The following L2HGDH variants were observed in gnomAD, a reference collection of about 807,000 sequenced individuals.
The protein encoded by L2HGDH is L-2-hydroxyglutarate dehydrogenase.
L2HGDH carries 34 observed loss-of-function variants against 51.5 expected under a neutral mutation model. That is an observed-to-expected ratio of 0.66 (90% CI 0.50 to 0.88). L2HGDH has a LOEUF of 0.88. Among genes scored for constraint, L2HGDH ranks in the 40% least tolerant of loss-of-function variants. The pLI, the probability that L2HGDH is intolerant of heterozygous loss-of-function variation, is 0.00. For missense variants in L2HGDH, 558 were observed against 571.9 expected (o/e 0.98, Z 0.25); for synonymous variants, 198 against 197.9 (o/e 1.00, Z -0.01).
At chr14:50,262,346 C>T (rs947538534) in intron 9 of L2HGDH, among the ~76,000 whole-genome samples, 2 of 151,550 alleles carry the variant, frequency 1.3e-5, no homozygotes, top group Non-Finnish European at 2.9e-5. Flanking sequence ...AGGAGAATCG[C>T]CTGAACCAGG....
chr14:50,275,973 T>C lies in L2HGDH; in HGVS notation c.738+2547A>G, dbSNP rs7158512. Among the ~76,000 whole-genome samples the C allele has an allele frequency of 6.5e-3, 996 of 152,296 alleles. 13 individuals carry two copies. The highest frequency in any genetic ancestry group is 0.023 in the African/African-American group (936 of 41,550). On this transcript the variant is annotated intron_variant, in intron 6 of 9. Transcript: ENST00000267436. The stretch of plus-strand genomic sequence containing the variant: ...AACTGGAGGTTGATACTGCAACACC[T>C]GGCCACTTTGGGTTCCCCTGCCAGT...
At position 50,281,489 on chromosome 14, in the gene L2HGDH, G is replaced by A. The variant is rs188435207; in HGVS notation, c.703+2382C>T. ...TGTTTGTAATCCCAGTTACTTGGGAGGCTGAGGCAGGAGAATCACCTAAAC... is the reference window on the plus strand; with the variant it reads ...TGTTTGTAATCCCAGTTACTTGGGAAGCTGAGGCAGGAGAATCACCTAAAC... On this transcript the variant is annotated intron_variant, in intron 5 of 9. Transcript: ENST00000267436. Among the ~76,000 whole-genome samples the A allele has an allele frequency of 2.3e-3, 357 of 152,232 alleles. 3 individuals are homozygous for A. Among genetic ancestry groups the A allele is most frequent in the African/African-American group, 7.8e-3 (325 of 41,548 alleles).
intron 4 of L2HGDH, among the ~76,000 whole-genome samples, chr14:50,290,216 G>A (rs1020713824): frequency 2.0e-5 from 3 of 151,868 alleles, no homozygotes; most frequent in Non-Finnish European, 2.9e-5. Flanking sequence ...GCAGTGAGTC[G>A]AGATCACGCC....
At chr14:50,284,079 T>G (rs1423643164) in intron 4 of L2HGDH, 46 bp from the exon 5 acceptor site, 1 of 1,558,440 alleles carries the variant, frequency 6.4e-7, no homozygotes, top group Non-Finnish European at 8.8e-7. Context: ...AAATAATACT[T>G]GCTAAATAAC....
At chr14:50,272,149 A>C (rs1889732312) in intron 6 of L2HGDH, among the ~76,000 whole-genome samples, 1 of 152,104 alleles carries the variant, frequency 6.6e-6, no homozygotes, top group Non-Finnish European at 1.5e-5. Flanking sequence ...AAAAAGAAAA[A>C]ATTTCTTTAA....
At position 50,242,650 on chromosome 14, in the gene L2HGDH, CG is replaced by C; in HGVS notation, c.*4407del. 1.0e-6 allele frequency: 1 copy of C among 985,384 alleles called. No individual in the cohort carries two copies. 61.0% of individuals were successfully genotyped at this position (985,384 alleles called of 1,614,324 possible). Reference sequence around the variant, plus strand: ...GAGTACAAACTATTTGAAAACATCTCGAGGCAGCTTTTGCTTTCCCAACCAT... The same window carrying C: ...GAGTACAAACTATTTGAAAACATCTCAGGCAGCTTTTGCTTTCCCAACCAT... On this transcript the variant is annotated 3_prime_UTR_variant, in exon 10 of 10. Transcript: ENST00000267436.
At chr14:50,296,984 A>T (rs1178115718) in intron 3 of L2HGDH, among the ~76,000 whole-genome samples, 2 of 152,228 alleles carry the variant, frequency 1.3e-5, no homozygotes, top group African/African-American at 4.8e-5. Flanking sequence ...ATGTATTAAT[A>T]CACTACATTA....
chr14:50,290,867 CTTCTT>C (rs1471028769), intron 4 of L2HGDH, among the ~76,000 whole-genome samples: 1 of 151,846 alleles, frequency 6.6e-6, no homozygotes, highest in African/African-American at 2.4e-5. Context: ...AAATAATGTT[CTTCTT>C]TTAATTTTTT....
At chr14:50,263,440 C>T (rs998861706) in intron 9 of L2HGDH, among the ~76,000 whole-genome samples, 1 of 152,200 alleles carries the variant, frequency 6.6e-6, no homozygotes, top group Admixed American at 6.5e-5. Context: ...TGATACATTA[C>T]AGTCAGATTT....
At chr14:50,278,093 G>A (rs1890069913) in intron 6 of L2HGDH, among the ~76,000 whole-genome samples, 1 of 152,064 alleles carries the variant, frequency 6.6e-6, no homozygotes, top group South Asian at 2.1e-4. Context: ...GAACCTACAG[G>A]GAATCCACTG....
chr14:50,244,572 A>G lies in L2HGDH; in HGVS notation c.*2486T>C, dbSNP rs1442856475. On this transcript the variant is annotated 3_prime_UTR_variant, in exon 10 of 10. Coordinates refer to ENST00000267436, the MANE Select transcript of L2HGDH (RefSeq NM_024884.3). Reference sequence around the variant, plus strand: ...GAATCAGCTGTTATAAAGAAACATTAGGGCTTGTTTCTTCTGTCATTGATA... The same window carrying G: ...GAATCAGCTGTTATAAAGAAACATTGGGGCTTGTTTCTTCTGTCATTGATA... 12 of 985,278 alleles carry G rather than the reference A, an allele frequency of 1.2e-5. No homozygotes were observed. The highest frequency in any genetic ancestry group is 1.3e-5 in the Non-Finnish European group (11 of 829,888). 61.0% of individuals were successfully genotyped at this position (985,278 alleles called of 1,614,324 possible). A position where few individuals can be genotyped will look rare whatever the true frequency, so the allele number is the denominator to read the frequency against.
In L2HGDH at chr14:50,312,140, G is replaced by A; in HGVS notation, c.11C>T (p.Ala4Val). The change falls in exon 1 of 10, where the codon GCG (alanine) becomes GTG (valine). Residue 4 changes from alanine (A) to valine (V), a missense_variant. Coordinates refer to ENST00000267436, the MANE Select transcript of L2HGDH (RefSeq NM_024884.3). MVP[A>V]LRYLVGACGR... ...GCAGGCACCAACCAAATAACGCAGC[G>A]CTGGCACCATCCCCTACGCACGCTC... 1 of 1,610,382 alleles carries A rather than the reference G, an allele frequency of 6.2e-7. No homozygotes were observed.
At chr14:50,279,739 T>C (rs912886665) in intron 5 of L2HGDH, among the ~76,000 whole-genome samples, 2 of 151,492 alleles carry the variant, frequency 1.3e-5, no homozygotes, top group African/African-American at 2.4e-5. Context: ...TTTAAAAAGA[T>C]TGCTTCGATC....
In L2HGDH at chr14:50,247,097, T is replaced by C. The variant is rs192927318; in HGVS notation, c.1353A>G (p.Gly451=). 157 of 1,613,976 alleles carry C rather than the reference T, an allele frequency of 9.7e-5. No individual in the cohort carries two copies. In the Admixed American group the frequency reaches 2.5e-3, roughly 26 times the overall value. Residue 451 remains glycine (G), a synonymous_variant, in exon 10 of 10, where the codon GGA becomes GGG. Coordinates refer to ENST00000267436, the MANE Select transcript of L2HGDH (RefSeq NM_024884.3). ...TTTGTTGTACTTCATCTGCAATCAT[T>C]CCAGAAATTGCAATGGAAGAAGTAG... ...PAATSSIAIS[G]MIADEVQQRF...
At chr14:50,278,624 G>A in intron 5 of L2HGDH, 70 bp from the exon 6 acceptor site, 1 of 820,748 alleles carries the variant, frequency 1.2e-6, no homozygotes, top group Non-Finnish European at 2.0e-6. Context: ...TATCATACTA[G>A]AAACAAACTT....
chr14:50,289,087 T>C (rs1237279624), intron 4 of L2HGDH, among the ~76,000 whole-genome samples: 1 of 152,222 alleles, frequency 6.6e-6, no homozygotes, highest in Admixed American at 6.5e-5. Flanking sequence ...AGATTTCCCA[T>C]ATATTCTCTG....
chr14:50,271,335 G>C (rs145965381), intron 6 of L2HGDH, among the ~76,000 whole-genome samples: 6 of 152,084 alleles, frequency 3.9e-5, no homozygotes, highest in Non-Finnish European at 8.8e-5. Flanking sequence ...GATAATAATA[G>C]AATTTATAAA....
chr14:50,263,148 A>G (rs1232365880), intron 9 of L2HGDH, among the ~76,000 whole-genome samples: 1 of 152,270 alleles, frequency 6.6e-6, no homozygotes, highest in Non-Finnish European at 1.5e-5. Context: ...ATTTTTATAC[A>G]GAATTCACTA....
chr14:50,259,574 A>C (rs993176017), intron 9 of L2HGDH, among the ~76,000 whole-genome samples: 1 of 151,222 alleles, frequency 6.6e-6, no homozygotes, highest in Non-Finnish European at 1.5e-5. Context: ...CACACCTGTA[A>C]TCTCAGCACT....
Sources: allele counts gnomAD v4.1 joint callset (sites outside exome capture counted in the v4.1 genomes callset), GRCh38; gene constraint gnomAD v4.1.1; transcripts MANE v1.5; gene names NCBI Gene and HGNC (gene_info 2026-07-23, HGNC 2026-07-21).